The following GCA variants were observed in gnomAD, a reference collection of about 807,000 sequenced individuals.
The protein encoded by GCA is grancalcin, EF-hand calcium-binding protein.
In GCA, 30 loss-of-function variants were observed where a neutral mutation model predicts 32.6. The ratio of observed to expected loss-of-function variants is 0.92; its 90% CI spans 0.69 to 1.25. The LOEUF is 1.25. GCA is among the 50% of genes most tolerant of loss of function. The pLI, the probability that GCA is intolerant of heterozygous loss-of-function variation, is 0.00. For missense variants in GCA, 291 were observed against 266.8 expected (o/e 1.09, Z -0.63); for synonymous variants, 102 against 84.6 (o/e 1.21, Z -1.13).
At chr2:162,360,140 C>T in intron 7 of GCA, 77 bp from the exon 8 acceptor site, 2 of 885,382 alleles carry the variant, frequency 2.3e-6, no homozygotes, top group Non-Finnish European at 3.5e-6. Flanking sequence ...AGAAAATGCT[C>T]TTATGGAATA....
At position 162,344,136 on chromosome 2, in the gene GCA, C is replaced by T. The variant is rs1464874798; in HGVS notation, c.-113C>T. On this transcript the variant is annotated 5_prime_UTR_variant, in exon 1 of 8. Coordinates refer to ENST00000437150, the MANE Select transcript of GCA (RefSeq NM_012198.5). ...GGAGGAGTGAACTGTGCGGTTAGTG[C>T]GCCTTTCAGCCTCACCTGCAGCTGC... The T allele has an allele frequency of 4.5e-6, 5 of 1,111,334 alleles. No individual in the cohort carries two copies. The highest frequency in any genetic ancestry group is 2.4e-5 in the East Asian group (1 of 41,390). The allele number at this position is 1,111,334 out of a possible 1,614,324, so 68.8% of individuals were successfully genotyped here.
intron 1 of GCA, among the ~76,000 whole-genome samples, chr2:162,320,961 A>G (rs1299041760): frequency 6.6e-6 from 1 of 152,200 alleles, no homozygotes; most frequent in Non-Finnish European, 1.5e-5. Context: ...AGCATCACAT[A>G]ATACCCAACA....
chr2:162,351,036 TAATA>T (rs1263127574), intron 2 of GCA, among the ~76,000 whole-genome samples: 288 of 152,264 alleles, frequency 1.9e-3, no homozygotes, highest in African/African-American at 6.5e-3. Flanking sequence ...GCCTCATAAT[TAATA>T]ATGCTCTATG....
chr2:162,318,990 A>G, upstream of GCA: 1 of 360,802 alleles, frequency 2.8e-6, no homozygotes, highest in Non-Finnish European at 5.6e-6. Context: ...GGGACTTTCC[A>G]AAGGGGAAGT....
At chr2:162,353,287 G>A (rs1303710346) in intron 3 of GCA, among the ~76,000 whole-genome samples, 1 of 152,150 alleles carries the variant, frequency 6.6e-6, no homozygotes, top group Non-Finnish European at 1.5e-5. Context: ...GGCCACCATG[G>A]TGAAACCCCG....
intron 1 of GCA, among the ~76,000 whole-genome samples, chr2:162,324,090 C>T (rs906521910): frequency 7.9e-5 from 12 of 152,024 alleles, no homozygotes; most frequent in South Asian, 4.1e-4. Flanking sequence ...CTCCGACCCA[C>T]GGCAGTGTCT....
intron 1 of GCA, among the ~76,000 whole-genome samples, chr2:162,346,135 C>T (rs1451764206): frequency 6.6e-6 from 1 of 152,048 alleles, no homozygotes; most frequent in Non-Finnish European, 1.5e-5. Flanking sequence ...ACTTTGGTCA[C>T]AGGAAATGAA....
intron 3 of GCA, among the ~76,000 whole-genome samples, chr2:162,353,227 T>G (rs1365383125): frequency 6.6e-6 from 1 of 152,152 alleles, no homozygotes; most frequent in Non-Finnish European, 1.5e-5. Context: ...CCCAGCACTT[T>G]GGGAGGCTGA....
At chr2:162,360,174 A>T in intron 7 of GCA, 43 bp from the exon 8 acceptor site, 2 of 1,207,834 alleles carry the variant, frequency 1.7e-6, no homozygotes, top group Non-Finnish European at 1.2e-6. Context: ...ATAATTAAAA[A>T]CCATTTTATT....
chr2:162,374,718 T>C (rs1686100159), downstream of GCA, among the ~76,000 whole-genome samples: 1 of 152,164 alleles, frequency 6.6e-6, no homozygotes, highest in African/African-American at 2.4e-5. Context: ...ATCTTCTTTT[T>C]TTTTTAGTTT....
rs533550955 is a variant in GCA, at chr2:162,330,750, G to C, written c.-31+11525G>C. ...GTGAGAACTAGGGATTAGGGCTTCT[G>C]TTAGCCTAGGGCCAACTGAGGATAC... On this transcript the variant is annotated intron_variant, in intron 1 of 4. Coordinates refer to the GCA transcript ENST00000429691. 3.3e-5 allele frequency among the ~76,000 whole-genome samples: 5 copies of C among 152,268 alleles called. No individual in the cohort carries two copies. In the South Asian group the frequency reaches 1.0e-3, roughly 32 times the overall value.
intron 6 of GCA, 111 bp downstream of exon 6, chr2:162,359,268 C>G: frequency 1.4e-6 from 1 of 702,118 alleles, no homozygotes; most frequent in Non-Finnish European, 2.5e-6. Flanking sequence ...TCCCTTTATT[C>G]ACTGTTAAAT....
intron 1 of GCA, among the ~76,000 whole-genome samples, chr2:162,329,266 G>A (rs1027563458): frequency 1.3e-5 from 2 of 151,986 alleles, no homozygotes; most frequent in Non-Finnish European, 2.9e-5. Context: ...CATTTAAAGG[G>A]ACCAGATTCT....
downstream of GCA, among the ~76,000 whole-genome samples, chr2:162,367,328 A>G (rs1685782862): frequency 6.6e-6 from 1 of 151,936 alleles, no homozygotes; most frequent in Non-Finnish European, 1.5e-5. Context: ...GCAACTGTAA[A>G]ATTATATTTT....
downstream of GCA, chr2:162,372,181 T>C: frequency 9.1e-7 from 1 of 1,094,388 alleles, no homozygotes; most frequent in South Asian, 1.6e-5. Context: ...CTTAAGCATT[T>C]TCTTTCCTCA....
intron 1 of GCA, among the ~76,000 whole-genome samples, chr2:162,326,855 T>C (rs766753690): frequency 6.6e-6 from 1 of 152,138 alleles, no homozygotes; most frequent in Non-Finnish European, 1.5e-5. Context: ...CAGGGTATGA[T>C]GGAGAGAGAA....
chr2:162,374,013 G>T (rs76023373), downstream of GCA, among the ~76,000 whole-genome samples: 20 of 152,092 alleles, frequency 1.3e-4, no homozygotes, highest in Non-Finnish European at 2.6e-4. Context: ...GTTTTACTCA[G>T]TTTCTTGTGA....
intron 2 of GCA, among the ~76,000 whole-genome samples, chr2:162,350,033 A>C (rs12468578): frequency 0.12 from 17,616 of 152,156 alleles, 2,338 homozygotes; most frequent in African/African-American, 0.29. Flanking sequence ...ATTTCATTTA[A>C]AACCCCCTTT....
In GCA at chr2:162,360,227, G is replaced by A. The variant is rs1401465572; in HGVS notation, c.638G>A (p.Gly213Asp). 1 of 1,557,306 alleles carries A rather than the reference G, an allele frequency of 6.4e-7. No individual in the cohort carries two copies. The highest frequency in any genetic ancestry group is 8.8e-7 in the Non-Finnish European group (1 of 1,136,434). ...ANFIYDDFLQ[G>D]TMAI ...TCACTTATGTATTAGTTTTTGCAGG[G>A]CACTATGGCAATTTGAATGCTTAGA... Residue 213 changes from glycine (G) to aspartate (D), a missense_variant, in exon 8 of 8, where the codon GGC becomes GAC. Gly to Asp is a moderately conservative substitution (Grantham distance 94). Coordinates refer to ENST00000437150, the MANE Select transcript of GCA (RefSeq NM_012198.5).
Sources: allele counts gnomAD v4.1 joint callset (sites outside exome capture counted in the v4.1 genomes callset), GRCh38; gene constraint gnomAD v4.1.1; transcripts MANE v1.5; gene names NCBI Gene and HGNC (gene_info 2026-07-23, HGNC 2026-07-21).